LRMDA: variants seen among roughly 807,000 people sequenced by gnomAD.
The protein encoded by LRMDA is leucine-rich melanocyte differentiation-associated protein.
A neutral mutation model predicts 29.8 loss-of-function variants in LRMDA; 18 were observed. The ratio of observed to expected loss-of-function variants is 0.60; its 90% confidence interval spans 0.42 to 0.90. The LOEUF (loss-of-function observed/expected upper bound fraction) is 0.90. Among genes scored for constraint, LRMDA ranks in the 40% least tolerant of loss-of-function variants. The probability of loss-of-function intolerance (pLI) is 0.00; values close to 1 mark genes in which losing one functional copy is unlikely to be tolerated. For synonymous variants in LRMDA, 125 were observed against 109.4 expected (o/e 1.14, Z -0.89); for missense variants, 273 against 273.9 (o/e 1.00, Z 0.02).
chr10:76,180,179 G>C (rs963443640), intron 5 of LRMDA, among the ~76,000 whole-genome samples: 1 of 151,464 alleles, frequency 6.6e-6, no homozygotes, highest in Non-Finnish European at 1.5e-5. Flanking sequence ...TCTAGTTTTA[G>C]TCCAAAGGTG....
At chr10:75,710,671 A>G (rs574350819) in intron 2 of LRMDA, among the ~76,000 whole-genome samples, 2 of 152,364 alleles carry the variant, frequency 1.3e-5, no homozygotes, top group East Asian at 1.9e-4. Context: ...TTCGAGAAAC[A>G]AAAGGAACGA....
At chr10:75,621,221 CA>C (rs1564524613) in intron 2 of LRMDA, among the ~76,000 whole-genome samples, 55 of 133,174 alleles carry the variant, frequency 4.1e-4, no homozygotes, top group African/African-American at 1.1e-3. Flanking sequence ...CACACACACA[CA>C]CACCCACACA....
intron 6 of LRMDA, among the ~76,000 whole-genome samples, chr10:76,329,332 A>G (rs1840875744): frequency 6.6e-6 from 1 of 152,210 alleles, no homozygotes; most frequent in Admixed American, 6.5e-5. Context: ...CATGTGGAGG[A>G]TCTCATTTCA....
At chr10:75,731,645 T>C (rs72809486) in intron 2 of LRMDA, among the ~76,000 whole-genome samples, 1 of 152,374 alleles carries the variant, frequency 6.6e-6, no homozygotes, top group Non-Finnish European at 1.5e-5. Flanking sequence ...AAGTCCTCTA[T>C]AGTCCTTTCT....
intron 3 of LRMDA, among the ~76,000 whole-genome samples, chr10:76,037,555 C>T (rs140076691): frequency 7.5e-4 from 114 of 152,338 alleles, no homozygotes; most frequent in Admixed American, 3.5e-3. Flanking sequence ...CAGTACCGTA[C>T]ATGAGGTGGC....
intron 2 of LRMDA, among the ~76,000 whole-genome samples, chr10:75,812,989 C>G (rs983739482): frequency 6.6e-6 from 1 of 152,170 alleles, no homozygotes; most frequent in African/African-American, 2.4e-5. Context: ...CACATGGGTA[C>G]AGTCGTGGCA....
chr10:75,880,025 C>T (rs377734054), intron 2 of LRMDA, among the ~76,000 whole-genome samples: 6 of 152,206 alleles, frequency 3.9e-5, no homozygotes, highest in African/African-American at 1.2e-4. Flanking sequence ...TAGATTTATG[C>T]AGTAGGTATA....
intron 2 of LRMDA, among the ~76,000 whole-genome samples, chr10:75,684,200 G>T (rs1166426121): frequency 2.0e-5 from 3 of 152,220 alleles, no homozygotes; most frequent in African/African-American, 4.8e-5. Context: ...GCCAGTGAGA[G>T]AAATGGTAAA....
At chr10:76,185,171 C>A (rs532642554) in intron 5 of LRMDA, among the ~76,000 whole-genome samples, 12 of 152,272 alleles carry the variant, frequency 7.9e-5, no homozygotes, top group African/African-American at 2.9e-4. Flanking sequence ...TGAGTTACTG[C>A]GTTCAGGATG....
intron 1 of LRMDA, among the ~76,000 whole-genome samples, chr10:75,434,373 A>G (rs1404189653): frequency 2.6e-5 from 4 of 152,218 alleles, no homozygotes; most frequent in African/African-American, 9.6e-5. Context: ...GATTGAATAG[A>G]TAACAAGCAC....
Position 76,003,736 on chromosome 10 carries a change from C to A in LRMDA, c.132-32272C>A, listed in dbSNP as rs16932793. ...GATTATAAAATGAACTGTCTCTGAG[C>A]TCATAGTGTCTGATAGGGGGAGGAA... On this transcript the variant is annotated intron_variant, in intron 2 of 6. Transcript: ENST00000611255. 6.0e-3 allele frequency among the ~76,000 whole-genome samples: 907 copies of A among 152,176 alleles called. 44 individuals are homozygous for A. In the East Asian group the frequency reaches 0.13, roughly 22 times the overall value.
chr10:76,359,678 G>GGACT (rs1408111090), intron 6 of LRMDA, among the ~76,000 whole-genome samples: 2 of 152,148 alleles, frequency 1.3e-5, no homozygotes, highest in Non-Finnish European at 2.9e-5. Context: ...TGAAGACCTT[G>GGACT]GACTGACCAC....
intron 2 of LRMDA, among the ~76,000 whole-genome samples, chr10:75,706,864 T>C (rs1842376371): frequency 6.6e-6 from 1 of 151,922 alleles, no homozygotes; most frequent in African/African-American, 2.4e-5. Flanking sequence ...TAAAGACATG[T>C]AGATAGATGA....
chr10:76,220,932 T>A (rs2132257634), intron 5 of LRMDA, among the ~76,000 whole-genome samples: 1 of 152,110 alleles, frequency 6.6e-6, no homozygotes, highest in East Asian at 1.9e-4. Context: ...CATGATCAAG[T>A]GGGCTTCATC....
chr10:76,450,085 A>G (rs1842391385), intron 6 of LRMDA, among the ~76,000 whole-genome samples: 1 of 151,936 alleles, frequency 6.6e-6, no homozygotes, highest in South Asian at 2.1e-4. Context: ...CTTTTTCTTT[A>G]TTAGTTGACA....
intron 2 of LRMDA, among the ~76,000 whole-genome samples, chr10:75,493,105 C>T (rs1376762928): frequency 6.6e-6 from 1 of 151,982 alleles, no homozygotes; most frequent in Admixed American, 6.6e-5. Context: ...AACAAAGGGG[C>T]TGTTTTTATG....
At chr10:75,799,866 G>A (rs1032540478) in intron 2 of LRMDA, among the ~76,000 whole-genome samples, 15 of 151,964 alleles carry the variant, frequency 9.9e-5, no homozygotes, top group East Asian at 3.9e-4. Flanking sequence ...ATTTTTGTCC[G>A]TTATTTGTTC....
At chr10:75,595,763 C>A (rs992869224) in intron 2 of LRMDA, among the ~76,000 whole-genome samples, 1 of 151,698 alleles carries the variant, frequency 6.6e-6, no homozygotes, top group Non-Finnish European at 1.5e-5. Context: ...AATGAAGAAG[C>A]AAGTTGAAAA....
intron 2 of LRMDA, among the ~76,000 whole-genome samples, chr10:75,757,953 C>G (rs544005145): frequency 6.6e-6 from 1 of 152,090 alleles, no homozygotes; most frequent in Non-Finnish European, 1.5e-5. Flanking sequence ...ACATATGTCA[C>G]GATGCCTGGC....
Sources: allele counts gnomAD v4.1 joint callset (sites outside exome capture counted in the v4.1 genomes callset), GRCh38; gene constraint gnomAD v4.1.1; transcripts MANE v1.5; gene names NCBI Gene and HGNC (gene_info 2026-07-23, HGNC 2026-07-21).